Variants in FOXN3 observed in about 807,000 individuals in gnomAD.
FOXN3 encodes forkhead box N3.
Under a neutral mutation model 38.4 loss-of-function variants are expected in FOXN3, and 7 were observed. That is an observed-to-expected ratio of 0.18 (90% CI 0.10 to 0.34). FOXN3 has a LOEUF of 0.34. Ranked by LOEUF, FOXN3 falls within the 10% of genes least tolerant of loss-of-function variation. The pLI, the probability that FOXN3 is intolerant of heterozygous loss-of-function variation, is 1.00. For missense variants in FOXN3, 456 were observed against 613.4 expected (o/e 0.74, Z 2.71); for synonymous variants, 230 against 242.2 (o/e 0.95, Z 0.47).
intron 3 of FOXN3, among the ~76,000 whole-genome samples, chr14:89,303,549 T>C (rs1887286711): frequency 6.6e-6 from 1 of 151,518 alleles, no homozygotes; most frequent in Non-Finnish European, 1.5e-5. Flanking sequence ...AGGGCTGGTA[T>C]TATGATCCTC....
intron 1 of FOXN3, among the ~76,000 whole-genome samples, chr14:89,516,492 T>A (rs1406963924): frequency 6.6e-6 from 1 of 151,822 alleles, no homozygotes; most frequent in African/African-American, 2.4e-5. Context: ...AGAAAACACA[T>A]GATATTTAGT....
intron 3 of FOXN3, among the ~76,000 whole-genome samples, chr14:89,296,876 A>C (rs1887055434): frequency 1.3e-5 from 2 of 152,110 alleles, no homozygotes; most frequent in Non-Finnish European, 2.9e-5. Context: ...ACCTCAGGTC[A>C]TCCACCCGCC....
intron 1 of FOXN3, among the ~76,000 whole-genome samples, chr14:89,543,036 G>C (rs1007419039): frequency 6.5e-5 from 6 of 91,736 alleles, no homozygotes; most frequent in Non-Finnish European, 1.0e-4. Context: ...GCTACAAAAG[G>C]AGAAAAGACA....
At chr14:89,614,374 C>G (rs1282976654) in intron 1 of FOXN3, among the ~76,000 whole-genome samples, 1 of 152,148 alleles carries the variant, frequency 6.6e-6, no homozygotes, top group African/African-American at 2.4e-5. Flanking sequence ...TATAAGTAAC[C>G]CCTAAAAATA....
At chr14:89,614,024 C>A (rs1896446817) in intron 1 of FOXN3, among the ~76,000 whole-genome samples, 1 of 152,162 alleles carries the variant, frequency 6.6e-6, no homozygotes, top group African/African-American at 2.4e-5. Context: ...GAAAACTGAG[C>A]CCGATCTCAA....
intron 1 of FOXN3, among the ~76,000 whole-genome samples, chr14:89,482,669 G>A (rs1893358375): frequency 6.6e-6 from 1 of 152,042 alleles, no homozygotes; most frequent in South Asian, 2.1e-4. Flanking sequence ...AGCACTTTGG[G>A]AGGCTGAGGC....
intron 1 of FOXN3, among the ~76,000 whole-genome samples, chr14:89,618,042 T>C (rs1047399541): frequency 5.3e-5 from 8 of 152,164 alleles, no homozygotes; most frequent in Non-Finnish European, 1.2e-4. Flanking sequence ...CAGGATGTCT[T>C]CCTTAGCTAA....
intron 2 of FOXN3, among the ~76,000 whole-genome samples, chr14:89,360,332 G>C (rs1284273211): frequency 1.7e-5 from 2 of 117,160 alleles, no homozygotes; most frequent in African/African-American, 6.1e-5. Context: ...GAGAAGGAAA[G>C]AAAGAGGGAG....
At chr14:89,258,752 C>G (rs1046770165) in intron 4 of FOXN3, among the ~76,000 whole-genome samples, 1 of 152,204 alleles carries the variant, frequency 6.6e-6, no homozygotes, top group African/African-American at 2.4e-5. Flanking sequence ...ATCTATGTAG[C>G]TTCTTCTAAA....
At chr14:89,393,049 C>G (rs1439786098) in intron 2 of FOXN3, among the ~76,000 whole-genome samples, 1 of 152,054 alleles carries the variant, frequency 6.6e-6, no homozygotes, top group Non-Finnish European at 1.5e-5. Context: ...TCGTGATCCG[C>G]CCACTTCGGC....
chr14:89,575,355 T>C (rs185051055), intron 1 of FOXN3, among the ~76,000 whole-genome samples: 3 of 152,136 alleles, frequency 2.0e-5, no homozygotes, highest in Admixed American at 2.0e-4. Flanking sequence ...AGAAAGGAAA[T>C]TGGGAGGTCG....
At chr14:89,207,095 C>G (rs1388233150) in intron 4 of FOXN3, among the ~76,000 whole-genome samples, 2 of 152,078 alleles carry the variant, frequency 1.3e-5, no homozygotes, top group African/African-American at 4.8e-5. Context: ...GTAGCAGGCA[C>G]CTGTAATCCC....
intron 4 of FOXN3, among the ~76,000 whole-genome samples, chr14:89,258,694 T>C (rs547075548): frequency 6.6e-6 from 1 of 152,364 alleles, no homozygotes; most frequent in South Asian, 2.1e-4. Flanking sequence ...ATATATTCAA[T>C]GCGCTTTACC....
At chr14:89,494,228 C>G (rs766456920) in intron 1 of FOXN3, 1 of 152,210 alleles carries the variant, frequency 6.6e-6, no homozygotes, top group Admixed American at 6.5e-5. Flanking sequence ...GAAACATGTA[C>G]GTAGCTGTTG....
At chr14:89,266,493 G>C (rs1596141771) in intron 4 of FOXN3, among the ~76,000 whole-genome samples, 1 of 152,132 alleles carries the variant, frequency 6.6e-6, no homozygotes, top group Non-Finnish European at 1.5e-5. Context: ...CGGCTGGGGG[G>C]GCGGTGGAGA....
chr14:89,473,021 ATTTTTAT>A (rs1893138290), intron 1 of FOXN3, among the ~76,000 whole-genome samples: 1 of 151,586 alleles, frequency 6.6e-6, no homozygotes, highest in Non-Finnish European at 1.5e-5. Flanking sequence ...GATCATTTTT[ATTTTTAT>A]TTTTTATTTT....
intron 1 of FOXN3, among the ~76,000 whole-genome samples, chr14:89,500,006 T>A (rs1893763231): frequency 6.6e-6 from 1 of 152,028 alleles, no homozygotes; most frequent in Admixed American, 6.5e-5. Context: ...CCCACCACCA[T>A]GCCCAGCTTA....
intron 1 of FOXN3, among the ~76,000 whole-genome samples, chr14:89,473,170 G>A (rs1163135097): frequency 5.3e-5 from 8 of 151,636 alleles, no homozygotes; most frequent in South Asian, 4.2e-4. Flanking sequence ...GACTACAGGC[G>A]CCTCCCACCA....
intron 2 of FOXN3, chr14:89,401,447 T>C (rs911189985): frequency 5.2e-6 from 2 of 384,480 alleles, no homozygotes; most frequent in African/African-American, 2.1e-5. Flanking sequence ...ACAACAACAG[T>C]AGGTATTCTG....
Sources: allele counts gnomAD v4.1 joint callset (sites outside exome capture counted in the v4.1 genomes callset), GRCh38; gene constraint gnomAD v4.1.1; transcripts MANE v1.5; gene names NCBI Gene and HGNC (gene_info 2026-07-23, HGNC 2026-07-21).